Variants in ANLN observed in about 807,000 individuals in gnomAD.
ANLN encodes the protein anillin, actin binding protein, also known as anillin.
ANLN carries 59 observed loss-of-function variants against 135.1 expected under a neutral mutation model. The observed-to-expected ratio is 0.44, with a 90% CI of 0.35 to 0.54. The LOEUF (loss-of-function observed/expected upper bound fraction) is 0.54, where lower values mean the gene tolerates loss of function less well. Among genes scored for constraint, ANLN ranks in the 20% least tolerant of loss-of-function variants. The probability of loss-of-function intolerance (pLI) is 0.00; values close to 1 mark genes in which losing one functional copy is unlikely to be tolerated. For missense variants in ANLN, 1,182 were observed against 1,340.0 expected, an observed-to-expected ratio of 0.88 and a Z score of 1.84; for synonymous variants, 406 against 456.4, an observed-to-expected ratio of 0.89 and a Z score of 1.41.
rs56385393 is a variant in ANLN, at chr7:36,420,858, T to A, written c.2163+114T>A. The stretch of plus-strand genomic sequence containing the variant: ...TCTGAACCCTGAGTGGCCAGAATAG[T>A]GTCTGATGCATAGAAGCTCAGTAAA... On this transcript the variant is annotated intron_variant, in intron 12 of 23. Coordinates refer to ENST00000265748, the MANE Select transcript of ANLN (RefSeq NM_018685.5). 0.12 allele frequency: 122,850 copies of A among 996,312 alleles called. 8,336 individuals carry two copies. The highest frequency in any genetic ancestry group is 0.24 in the East Asian group (9,943 of 40,900). 61.7% of individuals were successfully genotyped at this position (996,312 alleles called of 1,614,324 possible). A position where few individuals can be genotyped will look rare whatever the true frequency, so the allele number is the denominator to read the frequency against.
At chr7:36,410,260 C>T (rs1042820559) in intron 5 of ANLN, among the ~76,000 whole-genome samples, 105 of 151,980 alleles carry the variant, frequency 6.9e-4, no homozygotes, top group African/African-American at 2.3e-3. Flanking sequence ...CTGCCCTCTC[C>T]TCATTCTACC....
At chr7:36,392,615 A>G (rs1429924350) in intron 1 of ANLN, among the ~76,000 whole-genome samples, 1 of 151,208 alleles carries the variant, frequency 6.6e-6, no homozygotes, top group Non-Finnish European at 1.5e-5. Flanking sequence ...ATATACTATT[A>G]TAAGGAACGG....
At chr7:36,446,565 C>T (rs377739270) in intron 22 of ANLN, among the ~76,000 whole-genome samples, 5 of 152,066 alleles carry the variant, frequency 3.3e-5, no homozygotes, top group Middle Eastern at 6.8e-3. Flanking sequence ...AAAGCAGGAG[C>T]GAGCGAGCGA....
chr7:36,393,784 G>A (rs1786579592), intron 1 of ANLN, among the ~76,000 whole-genome samples: 1 of 152,176 alleles, frequency 6.6e-6, no homozygotes, highest in Non-Finnish European at 1.5e-5. Context: ...GAGCAGGAGG[G>A]TTAGTCAGTG....
intron 4 of ANLN, among the ~76,000 whole-genome samples, chr7:36,406,878 A>T (rs1787213746): frequency 6.6e-6 from 1 of 152,174 alleles, no homozygotes; most frequent in African/African-American, 2.4e-5. Flanking sequence ...GTCCTCTGTT[A>T]TAATGCTTTA....
Position 36,399,164 on chromosome 7 carries a change from A to G in ANLN, c.258A>G (p.Gln86=), listed in dbSNP as rs1213397541. The G allele has an allele frequency of 2.5e-6, 4 of 1,614,018 alleles. No individual in the cohort carries two copies. The Admixed American group carries it at 5.0e-5, about 20-fold the overall frequency. ...AAGTTTCTAACTTGGAAAATAAACAACCAGTTGAGTCGACATCTGCAAAAT... is the reference window on the plus strand; with the variant it reads ...AAGTTTCTAACTTGGAAAATAAACAGCCAGTTGAGTCGACATCTGCAAAAT... ...EVEVSNLENK[Q]PVESTSAKSC... Residue 86 remains glutamine (Q), a synonymous_variant, in exon 3 of 24, where the codon CAA becomes CAG. Transcript: ENST00000265748.
chr7:36,427,554 G>A (rs910399304), intron 20 of ANLN, among the ~76,000 whole-genome samples: 12 of 152,034 alleles, frequency 7.9e-5, no homozygotes, highest in African/African-American at 2.4e-5. Flanking sequence ...GGGTTTCATC[G>A]TGTTGGCTAG....
At chr7:36,409,977 C>G (rs959206849) in intron 5 of ANLN, among the ~76,000 whole-genome samples, 2 of 152,046 alleles carry the variant, frequency 1.3e-5, no homozygotes, top group African/African-American at 4.8e-5. Flanking sequence ...CCGCTGAATA[C>G]TATTTTAAGA....
Position 36,415,797 on chromosome 7 carries a change from G to A in ANLN, c.1435G>A (p.Gly479Ser), listed in dbSNP as rs1398049536. 3 of 1,607,396 alleles carry A rather than the reference G, an allele frequency of 1.9e-6. No homozygotes were observed. Residue 479 changes from glycine to serine, a missense_variant, in exon 8 of 24, where the codon GGT becomes AGT. Physicochemically the swap from Gly to Ser is moderately conservative, Grantham distance 56. Coordinates refer to ENST00000265748, the MANE Select transcript of ANLN (RefSeq NM_018685.5). ...GAGCACTCCCCTCAAAAAACACCAA[G>A]GTGTTTCAAAAACTCAGTCACTTCC... ...CQSTPLKKHQ[G>S]VSKTQSLPVT...
intron 21 of ANLN, among the ~76,000 whole-genome samples, chr7:36,440,890 T>G (rs556709214): frequency 6.6e-6 from 1 of 152,298 alleles, no homozygotes; most frequent in East Asian, 1.9e-4. Context: ...AGAACTTGAA[T>G]GATGCAAGGG....
chr7:36,432,881 A>G (rs527652037), intron 20 of ANLN, among the ~76,000 whole-genome samples: 131 of 152,310 alleles, frequency 8.6e-4, no homozygotes, highest in African/African-American at 3.0e-3. Context: ...TGTAACTTAC[A>G]ATATGAACCT....
chr7:36,404,897 C>T (rs986593535), intron 3 of ANLN, among the ~76,000 whole-genome samples: 6 of 152,136 alleles, frequency 3.9e-5, no homozygotes, highest in East Asian at 3.8e-4. Flanking sequence ...CTACTCAGAA[C>T]GGTGTGCAGT....
intron 7 of ANLN, among the ~76,000 whole-genome samples, chr7:36,412,306 A>AAT (rs60215077): frequency 0.011 from 1,133 of 102,576 alleles, 16 homozygotes; most frequent in Middle Eastern, 0.021. Flanking sequence ...CTGCCAGAGA[A>AAT]ATATATATAT....
At chr7:36,418,395 C>T (rs1787735009) in intron 9 of ANLN, among the ~76,000 whole-genome samples, 1 of 152,158 alleles carries the variant, frequency 6.6e-6, no homozygotes, top group South Asian at 2.1e-4. Flanking sequence ...AGTTCTGTTT[C>T]CTGTGAGGCC....
At position 36,447,965 on chromosome 7, in the gene ANLN, A is replaced by AC. The variant is rs1234882771; in HGVS notation, c.3079-1695dup. On this transcript the variant is annotated intron_variant, in intron 22 of 23. Coordinates refer to ENST00000265748, the MANE Select transcript of ANLN (RefSeq NM_018685.5). The stretch of plus-strand genomic sequence containing the variant: ...TCCATACACTGCTGCACACACACAC[A>AC]CCCCCTGCCATCACCTCATGGAAAT... Among the ~76,000 whole-genome samples the AC allele has an allele frequency of 3.3e-5, 5 of 151,836 alleles. 1 individual carries two copies. In the South Asian group the frequency reaches 6.2e-4, roughly 19 times the overall value.
chr7:36,452,158 G>A (rs1239082524), intron 23 of ANLN, among the ~76,000 whole-genome samples: 1 of 152,142 alleles, frequency 6.6e-6, no homozygotes, highest in Admixed American at 6.5e-5. Flanking sequence ...CAGAGAAGTT[G>A]CCCACACTCA....
chr7:36,414,855 C>T (rs1583616811), intron 7 of ANLN, among the ~76,000 whole-genome samples: 1 of 152,196 alleles, frequency 6.6e-6, no homozygotes, highest in Non-Finnish European at 1.5e-5. Context: ...CTCTGCCAGT[C>T]ACTAACTGTG....
At chr7:36,402,987 C>A (rs1290929488) in intron 3 of ANLN, among the ~76,000 whole-genome samples, 1 of 152,120 alleles carries the variant, frequency 6.6e-6, no homozygotes, top group Non-Finnish European at 1.5e-5. Flanking sequence ...CTCTGTGGTG[C>A]ATGCCTGTAA....
chr7:36,428,025 T>C (rs1267918226), intron 20 of ANLN, among the ~76,000 whole-genome samples: 1 of 152,186 alleles, frequency 6.6e-6, no homozygotes, highest in Non-Finnish European at 1.5e-5. Flanking sequence ...GATTTACTCT[T>C]TAACATTGAG....
Sources: allele counts gnomAD v4.1 joint callset (sites outside exome capture counted in the v4.1 genomes callset), GRCh38; gene constraint gnomAD v4.1.1; transcripts MANE v1.5; gene names NCBI Gene and HGNC (gene_info 2026-07-23, HGNC 2026-07-21).